Variants in TENM2 observed in about 807,000 individuals in gnomAD.
TENM2 encodes teneurin transmembrane protein 2.
TENM2 carries 52 observed loss-of-function variants against 245.2 expected under a neutral mutation model. The observed-to-expected ratio is 0.21, with a 90% confidence interval of 0.17 to 0.27. The LOEUF is 0.27. Ranked by LOEUF, TENM2 falls within the 10% of genes least tolerant of loss-of-function variation. The probability of loss-of-function intolerance (pLI) is 1.00; values close to 1 mark genes in which losing one functional copy is unlikely to be tolerated. For synonymous variants in TENM2, 1,363 were observed against 1,438.9 expected (o/e 0.95, Z 1.19); for missense variants, 3,046 against 3,666.8 (o/e 0.83, Z 4.37).
At chr5:167,800,919 G>C (rs1488111768) in intron 2 of TENM2, among the ~76,000 whole-genome samples, 1 of 151,386 alleles carries the variant, frequency 6.6e-6, no homozygotes, top group Non-Finnish European at 1.5e-5. Flanking sequence ...AGATGAATAG[G>C]CTGATTTCTG....
chr5:167,883,423 G>A (rs1000466652), intron 3 of TENM2, among the ~76,000 whole-genome samples: 7 of 152,154 alleles, frequency 4.6e-5, no homozygotes, highest in South Asian at 2.1e-4. Flanking sequence ...TGTGTAGTTT[G>A]TAGGTCCAGC....
the TENM2 span, among the ~76,000 whole-genome samples, chr5:167,134,327 G>A: frequency 6.6e-6 from 1 of 152,152 alleles, no homozygotes; most frequent in African/African-American, 2.4e-5. Context: ...TATTAACATG[G>A]CGACATCACT....
intron 2 of TENM2, among the ~76,000 whole-genome samples, chr5:167,800,212 T>A (rs1366709998): frequency 1.3e-5 from 2 of 152,308 alleles, no homozygotes; most frequent in East Asian, 3.9e-4. Flanking sequence ...ATGCCACAGA[T>A]GTCATCTAGG....
chr5:167,400,122 G>A (rs1320362905), intron 2 of TENM2, among the ~76,000 whole-genome samples: 1 of 152,050 alleles, frequency 6.6e-6, no homozygotes, highest in Non-Finnish European at 1.5e-5. Flanking sequence ...ACAAAGGAGT[G>A]GATTGATTAA....
chr5:167,079,689 C>T, the TENM2 span, among the ~76,000 whole-genome samples: 41 of 151,994 alleles, frequency 2.7e-4, no homozygotes, highest in Non-Finnish European at 4.6e-4. Context: ...TGTGAAATGC[C>T]TTAACATAAT....
At chr5:167,698,890 G>C (rs1757964488) in intron 2 of TENM2, among the ~76,000 whole-genome samples, 1 of 151,752 alleles carries the variant, frequency 6.6e-6, no homozygotes, top group African/African-American at 2.4e-5. Flanking sequence ...CACCGTGTTA[G>C]CCAGGATGGT....
At chr5:168,126,867 A>G in exon 12 of TENM2, 3 of 1,609,458 alleles carry the variant, frequency 1.9e-6, no homozygotes, top group Non-Finnish European at 8.5e-7. Context: ...CCCCCGCTGC[A>G]TTGAGCACGG....
chr5:167,822,841 T>C (rs1159448511), intron 2 of TENM2, among the ~76,000 whole-genome samples: 2 of 152,212 alleles, frequency 1.3e-5, no homozygotes, highest in African/African-American at 4.8e-5. Flanking sequence ...TCAGTACCAA[T>C]GCAATTGCAT....
chr5:168,244,764 T>C lies in TENM2; in HGVS notation c.5817+48T>C. On this transcript the variant is annotated intron_variant, in intron 26 of 28. Transcript: ENST00000518659. This position sits in a 1 kb window ranked among gnomAD's most constrained non-coding sequence, Gnocchi z 4.9. ...CAGCAAGGGCTTTCTGTTATTTCTG[T>C]TATTCCGGCTTCTTTTTTTTTTTGA... 7.3e-7 allele frequency: 1 copy of C among 1,362,940 alleles called. No homozygotes were observed. Among genetic ancestry groups the C allele is most frequent in the Non-Finnish European group, 9.6e-7 (1 of 1,046,154 alleles). 84.4% of individuals were successfully genotyped at this position (1,362,940 alleles called of 1,614,324 possible).
At chr5:167,402,562 A>C (rs1038157415) in intron 2 of TENM2, among the ~76,000 whole-genome samples, 2 of 152,144 alleles carry the variant, frequency 1.3e-5, no homozygotes, top group African/African-American at 4.8e-5. Context: ...TTATGAAGAG[A>C]TTAATGTCTC....
intron 2 of TENM2, among the ~76,000 whole-genome samples, chr5:167,832,298 A>G (rs912742899): frequency 5.3e-5 from 8 of 152,214 alleles, no homozygotes; most frequent in Non-Finnish European, 4.4e-5. Flanking sequence ...CTGCCCAATG[A>G]TGAATTATTC....
intron 1 of TENM2, among the ~76,000 whole-genome samples, chr5:167,293,128 C>A (rs1371213590): frequency 6.6e-6 from 1 of 152,086 alleles, no homozygotes; most frequent in Non-Finnish European, 1.5e-5. Context: ...AGCAAGGGAG[C>A]CTGGTGGCCT....
At chr5:167,859,332 A>G (rs1771441805) in intron 2 of TENM2, among the ~76,000 whole-genome samples, 1 of 143,612 alleles carries the variant, frequency 7.0e-6, no homozygotes, top group Non-Finnish European at 1.6e-5. Flanking sequence ...CCATCTGGGA[A>G]GTGAGGAGCG....
At chr5:168,090,492 A>G in intron 7 of TENM2, 82 bp from the exon 10 acceptor site, 1 of 1,301,100 alleles carries the variant, frequency 7.7e-7, no homozygotes, top group Non-Finnish European at 1.0e-6. Context: ...TCCATTAACA[A>G]ATGGGTTCGG....
intron 2 of TENM2, among the ~76,000 whole-genome samples, chr5:167,517,043 G>A (rs1408672372): frequency 3.3e-5 from 5 of 152,176 alleles, no homozygotes; most frequent in East Asian, 1.9e-4. Context: ...AAATGTGTAC[G>A]AGAAAGTGCC....
chr5:167,667,618 G>T (rs1305750281), intron 2 of TENM2, among the ~76,000 whole-genome samples: 2 of 152,174 alleles, frequency 1.3e-5, no homozygotes, highest in East Asian at 3.9e-4. Context: ...AAAGAAGGAG[G>T]GAGGTTGGAG....
chr5:167,986,049 TTTTG>T (rs940365483), intron 4 of TENM2, among the ~76,000 whole-genome samples: 29 of 152,302 alleles, frequency 1.9e-4, no homozygotes, highest in African/African-American at 7.0e-4. Context: ...AATGAGGTTT[TTTTG>T]TTTGTTAGGT....
Position 168,238,217 on chromosome 5 carries a change from G to GAAAAGAAAAA in TENM2, c.5521-6202_5521-6201insAAAGAAAAAA, listed in dbSNP as rs1340183386. 2.2e-4 allele frequency among the ~76,000 whole-genome samples: 9 copies of GAAAAGAAAAA among 40,754 alleles called. 1 individual carries two copies. Among genetic ancestry groups the GAAAAGAAAAA allele is most frequent in the African/African-American group, 7.5e-4 (8 of 10,676 alleles). The allele number at this position is 40,754 out of a possible 152,430, so 26.7% of individuals were successfully genotyped here. ...AGGGAGGGAGGGAGGGAGGGAGGGA[G>GAAAAGAAAAA]AGAGAAGAAAAGAAAAGAAAAGAAA... On this transcript the variant is annotated intron_variant, in intron 25 of 28. Transcript: ENST00000518659.
intron 2 of TENM2, among the ~76,000 whole-genome samples, chr5:167,872,326 GA>G (rs1357280035): frequency 2.3e-5 from 2 of 88,208 alleles, no homozygotes; most frequent in African/African-American, 4.2e-5. Flanking sequence ...AAGAAAGAAA[GA>G]AAGAAAGAAA....
Sources: gnomAD v4.1 joint callset for allele counts (sites outside exome capture counted in the v4.1 genomes callset) on GRCh38, gnomAD v4.1.1 for gene constraint, Gnocchi (gnomAD v3.1) non-coding constraint, MANE v1.5 for transcripts, NCBI Gene and HGNC (gene_info 2026-07-23, HGNC 2026-07-21) for gene names.